The following CSMD1 variants were observed in gnomAD, a reference collection of about 807,000 sequenced individuals.
The protein encoded by CSMD1 is CUB and Sushi multiple domains 1.
Under a neutral mutation model 417.5 loss-of-function variants are expected in CSMD1, and 213 were observed. That is an observed-to-expected ratio of 0.51 (90% CI 0.46 to 0.57). The LOEUF (loss-of-function observed/expected upper bound fraction) is 0.57. Ranked by LOEUF, CSMD1 falls within the 20% of genes least tolerant of loss-of-function variation. The pLI is 0.00. For missense variants in CSMD1, 6,923 were observed against 4,529.7 expected (o/e 1.53, Z -15.17); for synonymous variants, 2,862 against 1,736.8 (o/e 1.65, Z -16.11).
chr8:3,741,530 G>C (rs79349821), intron 6 of CSMD1, among the ~76,000 whole-genome samples: 3 of 152,224 alleles, frequency 2.0e-5, no homozygotes, highest in Non-Finnish European at 2.9e-5. Context: ...GTTTTTAGTA[G>C]GCACATTTAT....
intron 3 of CSMD1, among the ~76,000 whole-genome samples, chr8:4,124,061 A>C (rs1302063503): frequency 6.6e-6 from 1 of 152,134 alleles, no homozygotes; most frequent in Non-Finnish European, 1.5e-5. Context: ...CATTCCCAAC[A>C]CACAGACTTC....
chr8:4,218,064 G>A (rs1329158609), intron 3 of CSMD1, among the ~76,000 whole-genome samples: 2 of 152,192 alleles, frequency 1.3e-5, no homozygotes, highest in African/African-American at 4.8e-5. Context: ...TTAACCCACT[G>A]ATGCCTGAGG....
intron 2 of CSMD1, among the ~76,000 whole-genome samples, chr8:4,468,008 G>C (rs1800289200): frequency 6.6e-6 from 1 of 152,168 alleles, no homozygotes; most frequent in Non-Finnish European, 1.5e-5. Flanking sequence ...GATTTGTGTA[G>C]TGATAACCCC....
intron 8 of CSMD1, among the ~76,000 whole-genome samples, chr8:3,595,026 A>T (rs1482418761): frequency 6.6e-6 from 1 of 152,230 alleles, no homozygotes; most frequent in Non-Finnish European, 1.5e-5. Context: ...GTCTCTCAGC[A>T]TCCACGCGGC....
intron 2 of CSMD1, among the ~76,000 whole-genome samples, chr8:4,449,110 AAAT>A (rs1798982824): frequency 6.6e-6 from 1 of 152,222 alleles, no homozygotes; most frequent in Non-Finnish European, 1.5e-5. Context: ...AGATTTGCAA[AAAT>A]AAAACAAGCT....
intron 6 of CSMD1, among the ~76,000 whole-genome samples, chr8:3,739,756 C>T (rs946705283): frequency 6.6e-6 from 1 of 151,444 alleles, no homozygotes; most frequent in East Asian, 2.0e-4. Flanking sequence ...AAAATAGCAA[C>T]AGATGCTACA....
chr8:4,165,207 T>C (rs141285901), intron 3 of CSMD1, among the ~76,000 whole-genome samples: 66 of 152,310 alleles, frequency 4.3e-4, no homozygotes, highest in African/African-American at 1.5e-3. Flanking sequence ...CCCAAAGAGC[T>C]ACACACCCTC....
intron 5 of CSMD1, among the ~76,000 whole-genome samples, chr8:3,798,740 C>G (rs942930236): frequency 6.6e-6 from 1 of 151,996 alleles, no homozygotes; most frequent in Non-Finnish European, 1.5e-5. Flanking sequence ...AAAAATGTCA[C>G]TATAGATCAG....
intron 8 of CSMD1, among the ~76,000 whole-genome samples, chr8:3,607,018 T>TA (rs1801651716): frequency 6.6e-6 from 1 of 152,170 alleles, no homozygotes; most frequent in Admixed American, 6.5e-5. Context: ...CCTACCGTGT[T>TA]ACAGTTTTTA....
At chr8:4,484,216 A>G (rs1435514202) in intron 2 of CSMD1, among the ~76,000 whole-genome samples, 3 of 151,664 alleles carry the variant, frequency 2.0e-5, no homozygotes, top group African/African-American at 4.8e-5. Flanking sequence ...AAAAAAAAAA[A>G]CCTTGCTTTC....
intron 1 of CSMD1, among the ~76,000 whole-genome samples, chr8:4,668,892 T>C (rs776146645): frequency 3.3e-5 from 5 of 152,214 alleles, no homozygotes; most frequent in African/African-American, 4.8e-5. Flanking sequence ...TTGAATCTGT[T>C]TCCTCAGATC....
At chr8:2,976,135 T>G (rs1354882399) in intron 55 of CSMD1, among the ~76,000 whole-genome samples, 1 of 152,094 alleles carries the variant, frequency 6.6e-6, no homozygotes, top group African/African-American at 2.4e-5. Flanking sequence ...ACTGTCGTTC[T>G]CCACAGGAAT....
At chr8:4,202,671 T>C (rs952950663) in intron 3 of CSMD1, among the ~76,000 whole-genome samples, 2 of 152,154 alleles carry the variant, frequency 1.3e-5, no homozygotes, top group Admixed American at 6.5e-5. Flanking sequence ...GCTACACTCA[T>C]AAAACTTTCA....
At chr8:3,315,433 A>AGTGTGTGT (rs1188500819) in intron 23 of CSMD1, among the ~76,000 whole-genome samples, 2 of 44,808 alleles carry the variant, frequency 4.5e-5, no homozygotes, top group Non-Finnish European at 1.0e-4. Flanking sequence ...TTCTAGGTGA[A>AGTGTGTGT]GTGAGTGTGT....
In CSMD1 at chr8:3,387,556, T is replaced by C. The variant is rs781094742; in HGVS notation, c.2720A>G (p.Asp907Gly). 6.2e-7 allele frequency: 1 copy of C among 1,602,130 alleles called. No individual in the cohort carries two copies. The highest frequency in any genetic ancestry group is 8.5e-7 in the Non-Finnish European group (1 of 1,174,342). ...CCTCTCACAGACGAGGGGCTCGTCG[T>C]CACTTAGTGTGTACCCCGGGTCACA... The part of the protein sequence containing the change: ...FSCDPGYTLS[D>G]DEPLVCERNH... The change falls in exon 18 of 70, where the codon GAC becomes GGC. Residue 907 changes from aspartate (D) to glycine (G), a missense_variant. Coordinates refer to ENST00000635120, the MANE Select transcript of CSMD1 (RefSeq NM_033225.6).
chr8:4,717,155 T>A (rs572512502), intron 1 of CSMD1, among the ~76,000 whole-genome samples: 8 of 151,650 alleles, frequency 5.3e-5, no homozygotes, highest in African/African-American at 1.9e-4. Flanking sequence ...AACTAGGGTA[T>A]ACAGTGAGAT....
In CSMD1 at chr8:4,136,878, G is replaced by C. The variant is rs141022087; in HGVS notation, c.416-104779C>G. ...TTTGTGATTATTTACGAATTTCAGA[G>C]AACAGAAACTTAACAAAGAAAACAG... On this transcript the variant is annotated intron_variant, in intron 3 of 69. Transcript: ENST00000635120. Among the ~76,000 whole-genome samples, 362 of 152,228 alleles carry C rather than the reference G, an allele frequency of 2.4e-3. 1 individual carries two copies. The highest frequency in any genetic ancestry group is 8.1e-3 in the African/African-American group (338 of 41,538).
At chr8:3,140,322 T>C (rs1818359519) in intron 41 of CSMD1, among the ~76,000 whole-genome samples, 1 of 146,452 alleles carries the variant, frequency 6.8e-6, no homozygotes, top group African/African-American at 2.6e-5. Context: ...GCTTCCTCTC[T>C]GATGTTCTCT....
At chr8:4,363,763 C>G (rs1010487806) in intron 3 of CSMD1, among the ~76,000 whole-genome samples, 1 of 152,152 alleles carries the variant, frequency 6.6e-6, no homozygotes, top group Non-Finnish European at 1.5e-5. Context: ...TTTTTCATGG[C>G]TGAATAGTAC....
Sources: allele counts gnomAD v4.1 joint callset (sites outside exome capture counted in the v4.1 genomes callset), GRCh38; gene constraint gnomAD v4.1.1; transcripts MANE v1.5; gene names NCBI Gene and HGNC (gene_info 2026-07-23, HGNC 2026-07-21).